Variants in CCDC154 observed in about 807,000 individuals in gnomAD.
CCDC154 encodes coiled-coil domain-containing protein 154.
A neutral mutation model predicts 87.5 loss-of-function variants in CCDC154; 91 were observed. That is an observed-to-expected ratio of 1.04 (90% CI 0.88 to 1.24). The LOEUF (loss-of-function observed/expected upper bound fraction) is 1.24. Ranked by LOEUF, CCDC154 falls within the 50% of genes most tolerant of loss-of-function variation. The pLI is 0.00. For synonymous variants in CCDC154, 418 were observed against 400.4 expected (o/e 1.04, Z -0.52); for missense variants, 903 against 879.2 (o/e 1.03, Z -0.34).
Position 1,438,748 on chromosome 16 carries a change from G to C in CCDC154, c.907-11C>G, listed in dbSNP as rs776593368. 1.3e-6 allele frequency: 2 copies of C among 1,548,842 alleles called. No homozygotes were observed. Among genetic ancestry groups the C allele is most frequent in the South Asian group, 2.4e-5 (2 of 83,976 alleles). On this transcript the variant is annotated splice_polypyrimidine_tract_variant and intron_variant, in intron 8 of 16. Coordinates refer to ENST00000389176, the MANE Select transcript of CCDC154 (RefSeq NM_001143980.3). ...CAGGAGGTGGCTCTCCTGCCAGGGG[G>C]TGGAGGCCGCCCTGAGACCTGCACC...
rs1482025496 is a variant in CCDC154, at chr16:1,442,357, C to T, written c.675+49G>A. On this transcript the variant is annotated intron_variant, in intron 6 of 16. Transcript: ENST00000389176. ...GCACAGGCCGAGAGGGTTAGGGTCTCCTCCTCGGCCCTCTGGGCGGCCCCC... is the reference window on the plus strand; with the variant it reads ...GCACAGGCCGAGAGGGTTAGGGTCTTCTCCTCGGCCCTCTGGGCGGCCCCC... The T allele has an allele frequency of 3.3e-6, 5 of 1,508,896 alleles. No homozygotes were observed. In the South Asian group the frequency reaches 3.9e-5, roughly 12 times the overall value. The allele number at this position is 1,508,896 out of a possible 1,614,324, so 93.5% of individuals were successfully genotyped here. A position where few individuals can be genotyped will look rare whatever the true frequency, so the allele number is the denominator to read the frequency against.
At chr16:1,436,849 G>A in intron 11 of CCDC154, 38 bp from the exon 12 acceptor site, 1 of 1,548,888 alleles carries the variant, frequency 6.5e-7, no homozygotes, top group Non-Finnish European at 8.7e-7. Context: ...AAAGCCAAGA[G>A]AGGGGGGACA....
chr16:1,439,057 A>C lies in CCDC154; in HGVS notation c.745T>G (p.Phe249Val). ...AGGGCCAGGAAGCTCTTCTGCAGGA[A>C]GCCGCACAGCTTGGCCTCCCTCTTC... Reference protein sequence around the residue: ...FLKREAKLCGFLQKSFLALEK... With the variant: ...FLKREAKLCGVLQKSFLALEK... Residue 249 changes from phenylalanine (F) to valine (V), a missense_variant, in exon 7 of 17, where the codon TTC becomes GTC. By Grantham distance (50) the Phe-to-Val change is conservative. Transcript: ENST00000389176. 1 of 1,550,250 alleles carries C rather than the reference A, an allele frequency of 6.5e-7. No individual in the cohort carries two copies. Among genetic ancestry groups the C allele is most frequent in the East Asian group, 2.4e-5 (1 of 40,910 alleles).
Position 1,436,740 on chromosome 16 carries a change from G to C in CCDC154, c.1362C>G (p.Thr454=). Residue 454 remains threonine (T), a synonymous_variant, in exon 12 of 17, where the codon ACC becomes ACG. Transcript: ENST00000389176. ...TCTCCCGCACCCCTCGCAGGTGTTC[G>C]GTCACCTCCTTCCGCCACCTGGCCA... The part of the protein sequence containing the change: ...EDLARWRKEV[T]EHLRGVREKV... 6.4e-7 allele frequency: 1 copy of C among 1,550,430 alleles called. No homozygotes were observed. The highest frequency in any genetic ancestry group is 8.7e-7 in the Non-Finnish European group (1 of 1,146,952).
intron 14 of CCDC154, 133 bp downstream of exon 14, chr16:1,435,836 G>A: frequency 1.3e-6 from 1 of 757,886 alleles, no homozygotes; most frequent in Non-Finnish European, 2.1e-6. Flanking sequence ...TCCGACAGGT[G>A]GTTTTCTGAG....
chr16:1,443,400 C>G, intron 3 of CCDC154, 99 bp from the exon 4 acceptor site: 1 of 1,462,746 alleles, frequency 6.8e-7, no homozygotes, highest in Non-Finnish European at 9.0e-7. Flanking sequence ...CCCCTGGGAG[C>G]TCTGGGCCTG....
intron 14 of CCDC154, 162 bp from the exon 15 acceptor site, chr16:1,435,337 C>T (rs917014177): frequency 4.8e-5 from 32 of 661,514 alleles, no homozygotes; most frequent in East Asian, 3.6e-4. Context: ...GGACAAGCTC[C>T]GCTGAGGAAG....
rs893865730 is a variant in CCDC154 at position 1,438,951 on chromosome 16, G to T, written c.778-8C>A. The T allele has an allele frequency of 3.2e-6, 5 of 1,548,828 alleles. No homozygotes were observed. The South Asian group carries it at 3.6e-5, about 11-fold the overall frequency. On this transcript the variant is annotated splice_polypyrimidine_tract_variant and splice_region_variant and intron_variant, in intron 7 of 16. Transcript: ENST00000389176. ...CTCCGAGGCCTTCATTCTCTGTGGG[G>T]AGACCCCACTGTCAGCTGCAGGTCT...
chr16:1,440,427 G>A (rs748384917), intron 6 of CCDC154, among the ~76,000 whole-genome samples: 1 of 145,094 alleles, frequency 6.9e-6, no homozygotes, highest in Non-Finnish European at 1.5e-5. Context: ...TCCAGCCTGG[G>A]CAACAGAGCG....
chr16:1,434,995 G>C, intron 15 of CCDC154, 94 bp downstream of exon 15: 2 of 1,438,204 alleles, frequency 1.4e-6, no homozygotes, highest in Non-Finnish European at 1.9e-6. Context: ...TGGACAGACA[G>C]ACACTGGCGC....
In CCDC154 at chr16:1,434,644, C is replaced by T. The variant is rs533879475; in HGVS notation, c.1877+24G>A. ...ACCCCGGCCCAAAGGCCCAGGAGGC[C>T]GCGCCGGGATCCCTGCTGCCCACCT... On this transcript the variant is annotated intron_variant, in intron 16 of 16. Coordinates refer to ENST00000389176, the MANE Select transcript of CCDC154 (RefSeq NM_001143980.3). 4.5e-4 allele frequency: 701 copies of T among 1,541,884 alleles called. 1 individual carries two copies. The African/African-American group carries it at 7.8e-3, about 17-fold the overall frequency.
chr16:1,434,605 GC>G, intron 16 of CCDC154, 62 bp downstream of exon 16: 2 of 1,526,538 alleles, frequency 1.3e-6, no homozygotes, highest in Non-Finnish European at 1.8e-6. Context: ...CTGCCTGTGG[GC>G]CCCCAGCCCT....
At chr16:1,439,811 T>C (rs1241934495) in intron 6 of CCDC154, among the ~76,000 whole-genome samples, 3 of 152,122 alleles carry the variant, frequency 2.0e-5, no homozygotes, top group South Asian at 2.1e-4. Context: ...GCCCCCACAG[T>C]AGACATTGAC....
intron 6 of CCDC154, among the ~76,000 whole-genome samples, chr16:1,440,078 T>C (rs978289281): frequency 7.2e-6 from 1 of 138,204 alleles, no homozygotes; most frequent in Non-Finnish European, 1.5e-5. Flanking sequence ...ACCCAGGAGA[T>C]GGAGGTTGCA....
intron 6 of CCDC154, chr16:1,439,362 T>C (rs1373762791): frequency 1.8e-6 from 1 of 567,688 alleles, no homozygotes; most frequent in Non-Finnish European, 3.1e-6. Context: ...CACGCTCAGG[T>C]GGGGTCCAGA....
At position 1,438,640 on chromosome 16, in the gene CCDC154, AG is replaced by A. The variant is rs2038523145; in HGVS notation, c.1003del (p.Leu335TyrfsTer69). On this transcript the variant is annotated frameshift_variant, in exon 9 of 17. Coordinates refer to ENST00000389176, the MANE Select transcript of CCDC154 (RefSeq NM_001143980.3). LOFTEE classifies it high-confidence loss of function. The part of the protein sequence containing the change: ...QQNQASLNRV[L>X]LAEEKAWDAK... The stretch of plus-strand genomic sequence containing the variant: ...CCACCAGGCTTTCTCCTCGGCCAGT[AG>A]GACACGGTTCAGCGACGCCTGGTTC... 6.5e-7 allele frequency: 1 copy of A among 1,549,968 alleles called. No homozygotes were observed. The highest frequency in any genetic ancestry group is 1.2e-5 in the South Asian group (1 of 84,070).
chr16:1,435,890 G>A (rs1567256764), intron 14 of CCDC154, 79 bp downstream of exon 14: 1 of 1,229,268 alleles, frequency 8.1e-7, no homozygotes, highest in Non-Finnish European at 1.1e-6. Context: ...TGGGGGTCCT[G>A]CCTCTCCGCA....
chr16:1,434,936 G>T, intron 15 of CCDC154, 84 bp from the exon 16 acceptor site: 1 of 1,432,884 alleles, frequency 7.0e-7, no homozygotes, highest in Non-Finnish European at 9.2e-7. Context: ...CCCACCGGGA[G>T]CCTGGAAGCC....
chr16:1,443,977 G>C lies in CCDC154; in HGVS notation c.43C>G (p.Pro15Ala). ...AGGGTGACGGCTCTCAGCTGGGAAGGGGCCGATGCCCCTGAGGGTCCACTG... is the reference window on the plus strand; with the variant it reads ...AGGGTGACGGCTCTCAGCTGGGAAGCGGCCGATGCCCCTGAGGGTCCACTG... ...ADSGPSGASA[P>A]SQLRAVTLED... The change falls in exon 2 of 17, where the codon CCT becomes GCT. Residue 15 changes from proline (P) to alanine (A), a missense_variant. Pro to Ala is a conservative substitution (Grantham distance 27). Coordinates refer to ENST00000389176, the MANE Select transcript of CCDC154 (RefSeq NM_001143980.3). 1 of 1,302,400 alleles carries C rather than the reference G, an allele frequency of 7.7e-7. No individual in the cohort carries two copies. Among genetic ancestry groups the C allele is most frequent in the Non-Finnish European group, 1.0e-6 (1 of 988,912 alleles). 80.7% of individuals were successfully genotyped at this position (1,302,400 alleles called of 1,614,324 possible).
Sources: gnomAD v4.1 joint callset for allele counts (sites outside exome capture counted in the v4.1 genomes callset) on GRCh38, gnomAD v4.1.1 for gene constraint, MANE v1.5 for transcripts, NCBI Gene and HGNC (gene_info 2026-07-23, HGNC 2026-07-21) for gene names.